USP48: variants seen among roughly 807,000 people sequenced by gnomAD.
The protein encoded by USP48 is ubiquitin specific peptidase 48, also known as ubiquitin carboxyl-terminal hydrolase 48.
In USP48, 43 loss-of-function variants were observed where a neutral mutation model predicts 150.7. The ratio of observed to expected loss-of-function variants is 0.29; its 90% CI spans 0.22 to 0.37. The LOEUF (loss-of-function observed/expected upper bound fraction) is 0.37. Among genes scored for constraint, USP48 ranks in the 10% least tolerant of loss-of-function variants. USP48 has a pLI of 1.00. For synonymous variants in USP48, 396 were observed against 425.9 expected, an observed-to-expected ratio of 0.93 and a Z score of 0.86; for missense variants, 813 against 1,249.6, an observed-to-expected ratio of 0.65 and a Z score of 5.27.
At chr1:21,747,913 G>T (rs1172578175) in intron 7 of USP48, among the ~76,000 whole-genome samples, 3 of 152,136 alleles carry the variant, frequency 2.0e-5, no homozygotes, top group Admixed American at 6.6e-5. Context: ...AAAAAGTAAG[G>T]ATTTTTTACT....
At chr1:21,760,892 G>A (rs1483518989) in intron 1 of USP48, among the ~76,000 whole-genome samples, 2 of 151,846 alleles carry the variant, frequency 1.3e-5, no homozygotes, top group Non-Finnish European at 1.5e-5. Context: ...TCGGGATTTC[G>A]AGACCAGCCT....
intron 2 of USP48, among the ~76,000 whole-genome samples, chr1:21,757,201 A>G (rs1425379936): frequency 2.0e-5 from 3 of 152,166 alleles, no homozygotes; most frequent in African/African-American, 7.2e-5. Flanking sequence ...TTATTATTTT[A>G]TTAAAATATC....
chr1:21,732,679 TA>T, intron 9 of USP48: 1 of 374,784 alleles, frequency 2.7e-6, no homozygotes, highest in South Asian at 2.0e-5. Flanking sequence ...TCCATTAGAA[TA>T]AAATTCTGTA....
intron 7 of USP48, among the ~76,000 whole-genome samples, chr1:21,747,548 G>A (rs569690995): frequency 6.6e-6 from 1 of 151,956 alleles, no homozygotes; most frequent in Non-Finnish European, 1.5e-5. Flanking sequence ...GAAGGTCAGG[G>A]TAATTCAATT....
chr1:21,687,672 C>A (rs1465295290), intron 24 of USP48, among the ~76,000 whole-genome samples: 3 of 152,186 alleles, frequency 2.0e-5, no homozygotes, highest in African/African-American at 7.2e-5. Context: ...ACTTCACCAG[C>A]AAGAACAAGA....
chr1:21,748,862 G>A (rs2097801887), intron 6 of USP48, among the ~76,000 whole-genome samples: 1 of 152,090 alleles, frequency 6.6e-6, no homozygotes, highest in Non-Finnish European at 1.5e-5. Context: ...AGTAAGCTGA[G>A]ATCACACCTC....
intron 3 of USP48, among the ~76,000 whole-genome samples, chr1:21,755,029 G>A (rs1015517046): frequency 6.6e-6 from 1 of 152,062 alleles, no homozygotes; most frequent in Non-Finnish European, 1.5e-5. Context: ...TGCTGTCCTT[G>A]TATTCTTTAA....
At chr1:21,712,576 G>C (rs117428317) in intron 15 of USP48, among the ~76,000 whole-genome samples, 1 of 151,580 alleles carries the variant, frequency 6.6e-6, no homozygotes, top group South Asian at 2.1e-4. Flanking sequence ...TACCCTGGAC[G>C]CATGGTATGC....
intron 11 of USP48, among the ~76,000 whole-genome samples, chr1:21,727,290 C>T (rs1199872450): frequency 6.6e-6 from 1 of 152,130 alleles, no homozygotes; most frequent in Non-Finnish European, 1.5e-5. Flanking sequence ...TATAAGTTTA[C>T]TGCAAATGGA....
chr1:21,759,291 G>A (rs2097844577), intron 1 of USP48, among the ~76,000 whole-genome samples: 1 of 151,818 alleles, frequency 6.6e-6, no homozygotes, highest in African/African-American at 2.4e-5. Flanking sequence ...TGAAGGGAAG[G>A]CAGGAGTGGG....
chr1:21,740,042 G>C lies in USP48; in HGVS notation c.992-3417C>G, dbSNP rs1180683461. Reference sequence around the variant, plus strand: ...TTCCCTTGCCTCAGCTTCCCGAGTAGCTGGGATTACTGGCATGCGCCACCA... The same window carrying C: ...TTCCCTTGCCTCAGCTTCCCGAGTACCTGGGATTACTGGCATGCGCCACCA... On this transcript the variant is annotated intron_variant, in intron 8 of 26. Coordinates refer to ENST00000308271, the MANE Select transcript of USP48 (RefSeq NM_032236.8). Among the ~76,000 whole-genome samples, 4 of 152,236 alleles carry C rather than the reference G, an allele frequency of 2.6e-5. No homozygotes were observed. The East Asian group carries it at 7.7e-4, about 29-fold the overall frequency.
At chr1:21,680,205 G>A (rs951650537) in intron 26 of USP48, among the ~76,000 whole-genome samples, 2 of 152,182 alleles carry the variant, frequency 1.3e-5, no homozygotes, top group African/African-American at 4.8e-5. Context: ...GGCTTCTGGA[G>A]TGGCCAGCAA....
At position 21,777,029 on chromosome 1, in the gene USP48, C is replaced by A. The variant is rs555600799; in HGVS notation, c.134+5795G>T. 7.3e-5 allele frequency among the ~76,000 whole-genome samples: 11 copies of A among 149,928 alleles called. No homozygotes were observed. In the East Asian group the frequency reaches 2.2e-3, roughly 29 times the overall value. On this transcript the variant is annotated intron_variant, in intron 1 of 26. Coordinates refer to ENST00000308271, the MANE Select transcript of USP48 (RefSeq NM_032236.8). Reference sequence around the variant, plus strand: ...ACTCAGGAGGCTGAGGCAGGAGAATCGCTTGAACATGGGAGGCGGAGGTTG... The same window carrying A: ...ACTCAGGAGGCTGAGGCAGGAGAATAGCTTGAACATGGGAGGCGGAGGTTG...
chr1:21,705,489 T>G (rs1047878449), intron 19 of USP48, among the ~76,000 whole-genome samples: 5 of 152,162 alleles, frequency 3.3e-5, no homozygotes, highest in African/African-American at 1.2e-4. Context: ...GGTGGCTGTG[T>G]TGTCTTCAAG....
At chr1:21,706,052 C>CA in intron 18 of USP48, 74 bp downstream of exon 18, 1 of 1,486,170 alleles carries the variant, frequency 6.7e-7, no homozygotes, top group South Asian at 1.2e-5. Context: ...AAACAGAATC[C>CA]ACGATATCTT....
intron 26 of USP48, among the ~76,000 whole-genome samples, 199 bp from the exon 27 acceptor site, chr1:21,679,638 A>G (rs2152486895): frequency 6.6e-6 from 1 of 152,372 alleles, no homozygotes. Context: ...GTTGAAAGCC[A>G]TGTGCTTCCT....
At chr1:21,743,259 A>AT (rs2097786276) in intron 8 of USP48, among the ~76,000 whole-genome samples, 1 of 152,202 alleles carries the variant, frequency 6.6e-6, no homozygotes, top group Non-Finnish European at 1.5e-5. Context: ...CCTCCAGAGT[A>AT]TGGGAGCACA....
chr1:21,776,752 G>A (rs575632302), intron 1 of USP48, among the ~76,000 whole-genome samples: 20 of 152,116 alleles, frequency 1.3e-4, no homozygotes, highest in African/African-American at 4.6e-4. Context: ...TCAGGAGTTC[G>A]AGACCAGCCT....
chr1:21,761,096 A>G (rs1032537718), intron 1 of USP48, among the ~76,000 whole-genome samples: 1 of 149,366 alleles, frequency 6.7e-6, no homozygotes, highest in African/African-American at 2.5e-5. Context: ...CTTTGTCTCA[A>G]AAGAAAAAAA....
Sources: allele counts gnomAD v4.1 joint callset (sites outside exome capture counted in the v4.1 genomes callset), GRCh38; gene constraint gnomAD v4.1.1; transcripts MANE v1.5; gene names NCBI Gene and HGNC (gene_info 2026-07-23, HGNC 2026-07-21).